The following TMEM150C variants were observed in gnomAD, a reference collection of about 807,000 sequenced individuals.
TMEM150C encodes transmembrane protein 150C, also known as tentonin 3.
TMEM150C carries 10 observed loss-of-function variants against 29.9 expected under a neutral mutation model. That is an observed-to-expected ratio of 0.33 (90% CI 0.21 to 0.57). The LOEUF is 0.57. Ranked by LOEUF, TMEM150C falls within the 20% of genes least tolerant of loss-of-function variation. The probability of loss-of-function intolerance (pLI) is 0.88; values close to 1 mark genes in which losing one functional copy is unlikely to be tolerated. For synonymous variants in TMEM150C, 101 were observed against 112.5 expected, an observed-to-expected ratio of 0.90 and a Z score of 0.64; for missense variants, 251 against 303.6, an observed-to-expected ratio of 0.83 and a Z score of 1.29.
At chr4:82,546,567 G>A (rs1027408214) in intron 1 of TMEM150C, among the ~76,000 whole-genome samples, 23 of 152,114 alleles carry the variant, frequency 1.5e-4, no homozygotes, top group Admixed American at 2.0e-4. Context: ...GGTGGCTCAC[G>A]TCTGTAATCC....
intron 1 of TMEM150C, among the ~76,000 whole-genome samples, chr4:82,515,476 C>T (rs1007608689): frequency 2.6e-5 from 4 of 152,064 alleles, no homozygotes; most frequent in Non-Finnish European, 4.4e-5. Flanking sequence ...CGGTGGCTCA[C>T]GCTTGTAATC....
rs200461816 is a variant in TMEM150C, at chr4:82,496,194, G to A, written c.237C>T (p.Ala79=). The change falls in exon 6 of 8, where the codon GCC becomes GCT. Residue 79 remains alanine, a splice_region_variant and synonymous_variant. Transcript: ENST00000449862. Reference sequence around the variant, plus strand: ...TGAAGCGCAGAACAGCTACCACAAGGGCTAGGAATAAAGCAAAGTCTTAAA... The same window carrying A: ...TGAAGCGCAGAACAGCTACCACAAGAGCTAGGAATAAAGCAAAGTCTTAAA... The part of the protein sequence containing the change: ...SQVMNMAAFL[A]LVVAVLRFIQ... 3.3e-5 allele frequency: 53 copies of A among 1,613,384 alleles called. No homozygotes were observed. The African/African-American group carries it at 6.0e-4, about 18-fold the overall frequency.
intron 7 of TMEM150C, among the ~76,000 whole-genome samples, chr4:82,487,021 A>T (rs558706585): frequency 1.3e-5 from 2 of 152,332 alleles, no homozygotes; most frequent in African/African-American, 4.8e-5. Flanking sequence ...TCAGAGAGCA[A>T]GAATGTGAAA....
intron 7 of TMEM150C, among the ~76,000 whole-genome samples, chr4:82,487,499 A>G (rs1723202082): frequency 6.6e-6 from 1 of 152,234 alleles, no homozygotes; most frequent in Admixed American, 6.5e-5. Flanking sequence ...ACTCTTTTGA[A>G]CAAGGATGCA....
At chr4:82,558,390 G>A (rs967248637) in intron 1 of TMEM150C, among the ~76,000 whole-genome samples, 1 of 152,116 alleles carries the variant, frequency 6.6e-6, no homozygotes, top group Admixed American at 6.6e-5. Flanking sequence ...ATCTAGAAAA[G>A]GCTGTTTATA....
At chr4:82,494,789 T>A (rs1320521855) in intron 6 of TMEM150C, 1 of 252,516 alleles carries the variant, frequency 4.0e-6, no homozygotes. Context: ...CCTAATTTTT[T>A]TTTTTTTTTT....
intron 1 of TMEM150C, among the ~76,000 whole-genome samples, chr4:82,534,628 C>A (rs908194055): frequency 6.6e-6 from 1 of 152,206 alleles, no homozygotes; most frequent in Admixed American, 6.5e-5. Flanking sequence ...AACATCACCT[C>A]AGATGCTGAT....
intron 1 of TMEM150C, among the ~76,000 whole-genome samples, chr4:82,518,427 C>A (rs1724368296): frequency 6.6e-6 from 1 of 152,208 alleles, no homozygotes; most frequent in Non-Finnish European, 1.5e-5. Flanking sequence ...GCTTACCAGA[C>A]CCGGGATGCA....
intron 1 of TMEM150C, among the ~76,000 whole-genome samples, chr4:82,538,007 T>A (rs1397243482): frequency 6.6e-6 from 1 of 152,216 alleles, no homozygotes; most frequent in Non-Finnish European, 1.5e-5. Flanking sequence ...AAGGAAACAA[T>A]CCAAGATATG....
chr4:82,491,001 T>C (rs1723325546), intron 6 of TMEM150C: 1 of 738,850 alleles, frequency 1.4e-6, no homozygotes, highest in African/African-American at 1.7e-5. Context: ...GTCTTCCAAG[T>C]TAACCTGTGT....
chr4:82,496,188 C>T lies in TMEM150C; in HGVS notation c.243G>A (p.Val81=). The change falls in exon 6 of 8, where the codon GTG becomes GTA. Residue 81 remains valine, a synonymous_variant. Coordinates refer to ENST00000449862, the MANE Select transcript of TMEM150C (RefSeq NM_001080506.3). ...VMNMAAFLAL[V]VAVLRFIQLK... ...GTTGTATGAAGCGCAGAACAGCTAC[C>T]ACAAGGGCTAGGAATAAAGCAAAGT... 6.2e-7 allele frequency: 1 copy of T among 1,613,808 alleles called. No individual in the cohort carries two copies.
rs114232343 is a variant in TMEM150C at position 82,490,968 on chromosome 4, A to T, written c.364-730T>A. ...TTTGTAATTGGTCCTGATAGCTTCC[A>T]CCCGCTTAGCCAAAGCTCCTTTGTC... On this transcript the variant is annotated intron_variant, in intron 6 of 7. Transcript: ENST00000449862. 5.1e-4 allele frequency: 371 copies of T among 733,258 alleles called. 1 individual carries two copies. The African/African-American group carries it at 6.0e-3, about 12-fold the overall frequency. The allele number at this position is 733,258 out of a possible 1,614,324, so 45.4% of individuals were successfully genotyped here.
At chr4:82,491,371 G>C in intron 6 of TMEM150C, 1 of 640,396 alleles carries the variant, frequency 1.6e-6, no homozygotes, top group East Asian at 2.7e-5. Context: ...CCAGGGCCTG[G>C]GTGAACTGGT....
upstream of TMEM150C, chr4:82,562,077 T>G: frequency 3.4e-6 from 4 of 1,180,864 alleles, no homozygotes; most frequent in Non-Finnish European, 4.3e-6. Flanking sequence ...CGACTTATTC[T>G]GGGGTCCCCG....
At chr4:82,515,503 C>A (rs1458987817) in intron 1 of TMEM150C, among the ~76,000 whole-genome samples, 2 of 151,950 alleles carry the variant, frequency 1.3e-5, no homozygotes, top group East Asian at 3.9e-4. Flanking sequence ...CTTTGGGAGG[C>A]CGAGGTGGGC....
intron 1 of TMEM150C, among the ~76,000 whole-genome samples, chr4:82,508,206 G>C (rs574139195): frequency 2.0e-5 from 3 of 152,220 alleles, no homozygotes; most frequent in Non-Finnish European, 2.9e-5. Context: ...CTTTCCCTGA[G>C]CTAAATCACA....
At chr4:82,557,984 G>T (rs563650010) in intron 1 of TMEM150C, among the ~76,000 whole-genome samples, 1 of 152,162 alleles carries the variant, frequency 6.6e-6, no homozygotes, top group East Asian at 1.9e-4. Flanking sequence ...ACCCGCCTCA[G>T]CCTCCCGAAG....
At chr4:82,519,805 T>A (rs1055214279) in intron 1 of TMEM150C, among the ~76,000 whole-genome samples, 1 of 152,154 alleles carries the variant, frequency 6.6e-6, no homozygotes, top group African/African-American at 2.4e-5. Context: ...TAACAACTAA[T>A]AATAAAATAA....
intron 1 of TMEM150C, among the ~76,000 whole-genome samples, chr4:82,533,767 A>C (rs1277952873): frequency 6.6e-6 from 1 of 152,220 alleles, no homozygotes; most frequent in African/African-American, 2.4e-5. Context: ...CAAATAAGGA[A>C]GACCAAGTTC....
Sources: allele counts gnomAD v4.1 joint callset (sites outside exome capture counted in the v4.1 genomes callset), GRCh38; gene constraint gnomAD v4.1.1; transcripts MANE v1.5; gene names NCBI Gene and HGNC (gene_info 2026-07-23, HGNC 2026-07-21).